The following PTPN14 variants were observed in gnomAD, a reference collection of about 807,000 sequenced individuals.
PTPN14 encodes tyrosine-protein phosphatase non-receptor type 14.
Under a neutral mutation model 126.8 loss-of-function variants are expected in PTPN14, and 53 were observed. The observed-to-expected ratio is 0.42, with a 90% CI of 0.34 to 0.53. The LOEUF (loss-of-function observed/expected upper bound fraction) is 0.53, where lower values mean the gene tolerates loss of function less well. Ranked by LOEUF, PTPN14 falls within the 20% of genes least tolerant of loss-of-function variation. The pLI, the probability that PTPN14 is intolerant of heterozygous loss-of-function variation, is 0.08. For missense variants in PTPN14, 1,257 were observed against 1,552.9 expected, an observed-to-expected ratio of 0.81 and a Z score of 3.20; for synonymous variants, 630 against 599.3, an observed-to-expected ratio of 1.05 and a Z score of -0.75.
chr1:214,448,610 A>G (rs1660202165), intron 3 of PTPN14, among the ~76,000 whole-genome samples: 1 of 152,134 alleles, frequency 6.6e-6, no homozygotes, highest in African/African-American at 2.4e-5. Flanking sequence ...CATTACAACC[A>G]GACTTCTGGT....
At chr1:214,389,961 T>A (rs1658712270) in intron 11 of PTPN14, among the ~76,000 whole-genome samples, 3 of 152,214 alleles carry the variant, frequency 2.0e-5, no homozygotes, top group Admixed American at 2.0e-4. Flanking sequence ...ACACAGGCAC[T>A]CAGGAATTAC....
chr1:214,522,834 G>A (rs531600299), intron 1 of PTPN14, among the ~76,000 whole-genome samples: 20 of 152,316 alleles, frequency 1.3e-4, no homozygotes, highest in African/African-American at 2.2e-4. Flanking sequence ...AAGACTTAAT[G>A]TGGGCAACTC....
intron 2 of PTPN14, among the ~76,000 whole-genome samples, chr1:214,452,494 G>A (rs190732852): frequency 1.2e-4 from 19 of 152,192 alleles, no homozygotes; most frequent in Admixed American, 2.6e-4. Flanking sequence ...CACTCTTTTC[G>A]TGTGCTTTAA....
chr1:214,363,957 C>T (rs1014983987), intron 18 of PTPN14, among the ~76,000 whole-genome samples: 5 of 152,190 alleles, frequency 3.3e-5, no homozygotes, highest in African/African-American at 9.7e-5. Flanking sequence ...GGTAGGGTGA[C>T]CCGCTGATGC....
intron 12 of PTPN14, 61 bp downstream of exon 12, chr1:214,386,783 T>C (rs974112343): frequency 4.2e-6 from 6 of 1,445,218 alleles, no homozygotes; most frequent in Non-Finnish European, 5.8e-6. Context: ...AAAGCCTTCT[T>C]TACTGCTTAC....
chr1:214,388,472 T>A (rs940969392), intron 11 of PTPN14, among the ~76,000 whole-genome samples: 4 of 152,072 alleles, frequency 2.6e-5, no homozygotes, highest in Non-Finnish European at 5.9e-5. Context: ...AGTGGCACAA[T>A]CTCGGCTCAC....
intron 1 of PTPN14, among the ~76,000 whole-genome samples, chr1:214,480,146 C>G (rs967726531): frequency 2.6e-5 from 4 of 152,130 alleles, no homozygotes; most frequent in African/African-American, 9.7e-5. Flanking sequence ...ACTTCTGATT[C>G]TTTCATTGGA....
At chr1:214,423,848 G>A (rs1659598585) in intron 3 of PTPN14, among the ~76,000 whole-genome samples, 1 of 152,120 alleles carries the variant, frequency 6.6e-6, no homozygotes, top group Non-Finnish European at 1.5e-5. Flanking sequence ...AGGCATGGTG[G>A]CTCACGCCTG....
chr1:214,523,592 T>G (rs971440685), intron 1 of PTPN14, among the ~76,000 whole-genome samples: 1 of 152,196 alleles, frequency 6.6e-6, no homozygotes, highest in Non-Finnish European at 1.5e-5. Flanking sequence ...CTAAATTGCC[T>G]AATAAGTCAA....
chr1:214,378,170 C>T, intron 13 of PTPN14, 68 bp from the exon 14 acceptor site: 1 of 1,486,400 alleles, frequency 6.7e-7, no homozygotes, highest in South Asian at 1.3e-5. Context: ...GTGTTTTAAT[C>T]TCCTCAAATC....
At chr1:214,546,747 G>C (rs1655979856) in intron 1 of PTPN14, among the ~76,000 whole-genome samples, 1 of 152,058 alleles carries the variant, frequency 6.6e-6, no homozygotes, top group Non-Finnish European at 1.5e-5. Context: ...GTAGTCCTCG[G>C]GGTCAAACTA....
At chr1:214,442,814 A>G (rs959872391) in intron 3 of PTPN14, among the ~76,000 whole-genome samples, 4 of 99,176 alleles carry the variant, frequency 4.0e-5, no homozygotes, top group African/African-American at 1.7e-4. Context: ...CTAACTGCAT[A>G]GCTTTCTTTT....
intron 1 of PTPN14, among the ~76,000 whole-genome samples, chr1:214,508,475 T>G (rs2102440589): frequency 6.6e-6 from 1 of 152,308 alleles, no homozygotes. Flanking sequence ...CAGTCCCATA[T>G]TCAGGCTCCA....
chr1:214,493,822 A>G (rs1396363039), intron 1 of PTPN14, among the ~76,000 whole-genome samples: 1 of 152,244 alleles, frequency 6.6e-6, no homozygotes, highest in Non-Finnish European at 1.5e-5. Flanking sequence ...AAGATCTTTC[A>G]CAGAACATAT....
intron 2 of PTPN14, among the ~76,000 whole-genome samples, chr1:214,453,083 C>A (rs1246645765): frequency 6.6e-6 from 1 of 152,164 alleles, no homozygotes; most frequent in Non-Finnish European, 1.5e-5. Flanking sequence ...GCTGCAGACC[C>A]AGATGCTTTA....
chr1:214,539,935 A>T (rs1655795711), intron 1 of PTPN14, among the ~76,000 whole-genome samples: 1 of 152,178 alleles, frequency 6.6e-6, no homozygotes, highest in East Asian at 1.9e-4. Context: ...CTTTATTTTT[A>T]GACACTTCTT....
intron 18 of PTPN14, among the ~76,000 whole-genome samples, chr1:214,359,507 G>A (rs1657906705): frequency 6.6e-6 from 1 of 151,716 alleles, no homozygotes; most frequent in African/African-American, 2.4e-5. Flanking sequence ...ATAAGCGTGA[G>A]CCACTGCGCC....
chr1:214,402,437 C>CAAAAAAAAAA lies in PTPN14; in HGVS notation c.581+436_581+445dup, dbSNP rs1165595746. 8.7e-4 allele frequency among the ~76,000 whole-genome samples: 42 copies of CAAAAAAAAAA among 48,140 alleles called. 1 individual carries two copies. The highest frequency in any genetic ancestry group is 3.3e-3 in the South Asian group (4 of 1,208). The allele number at this position is 48,140 out of a possible 152,430, so 31.6% of individuals were successfully genotyped here. Reference sequence around the variant, plus strand: ...CCTGGGTGACAGAGCGAGACTCTGTCAAAAAAAAAAAAAAAAAAAAAAGCC... The same window carrying CAAAAAAAAAA: ...CCTGGGTGACAGAGCGAGACTCTGTCAAAAAAAAAAAAAAAAAAAAAAAAAAAAAAAAGCC... On this transcript the variant is annotated intron_variant, in intron 6 of 18. Transcript: ENST00000366956.
intron 1 of PTPN14, chr1:214,533,298 G>A (rs1168841136): frequency 3.4e-6 from 2 of 585,252 alleles, no homozygotes; most frequent in East Asian, 4.1e-5. Flanking sequence ...CCAAGCTGGA[G>A]GCTAGGGTCA....
Sources: gnomAD v4.1 joint callset for allele counts (sites outside exome capture counted in the v4.1 genomes callset) on GRCh38, gnomAD v4.1.1 for gene constraint, MANE v1.5 for transcripts, NCBI Gene and HGNC (gene_info 2026-07-23, HGNC 2026-07-21) for gene names.